The following ATP2B2 variants were observed in gnomAD, a reference collection of about 807,000 sequenced individuals.
ATP2B2 encodes the protein ATPase plasma membrane Ca2+ transporting 2, also known as plasma membrane calcium-transporting ATPase 2.
A neutral mutation model predicts 120.0 loss-of-function variants in ATP2B2; 15 were observed. The ratio of observed to expected loss-of-function variants is 0.12; its 90% confidence interval spans 0.08 to 0.19. The LOEUF (loss-of-function observed/expected upper bound fraction) is 0.19, where lower values mean the gene tolerates loss of function less well. Ranked by LOEUF, ATP2B2 falls within the 10% of genes least tolerant of loss-of-function variation. The pLI, the probability that ATP2B2 is intolerant of heterozygous loss-of-function variation, is 1.00. For missense variants in ATP2B2, 1,045 were observed against 1,719.8 expected (o/e 0.61, Z 6.94); for synonymous variants, 694 against 700.3 (o/e 0.99, Z 0.14).
At position 10,340,719 on chromosome 3, in the gene ATP2B2, AGT is replaced by A; in HGVS notation, c.2918-17_2918-16del. ...CATCTTCTCGCCTGCCAAGTGAGAG[AGT>A]GGGGCTGGGCTGAAGGCAGTGGTGG... is the stretch of plus-strand genomic sequence containing the variant. On this transcript the variant is annotated splice_polypyrimidine_tract_variant and intron_variant, in intron 19 of 22. Transcript: ENST00000360273. The surrounding 1 kb of genome is among the most constrained non-coding windows in gnomAD (Gnocchi z 5.0). 1 of 1,613,008 alleles carries A rather than the reference AGT, an allele frequency of 6.2e-7. No individual in the cohort carries two copies. The highest frequency in any genetic ancestry group is 8.5e-7 in the Non-Finnish European group (1 of 1,179,478).
chr3:10,695,990 C>A (rs897411114), intron 1 of ATP2B2, among the ~76,000 whole-genome samples: 1 of 152,148 alleles, frequency 6.6e-6, no homozygotes, highest in Non-Finnish European at 1.5e-5. Context: ...CACCTCAATC[C>A]CAGCCCCCAG....
At chr3:10,357,011 G>A (rs1333026401) in intron 14 of ATP2B2, among the ~76,000 whole-genome samples, 1 of 151,662 alleles carries the variant, frequency 6.6e-6, no homozygotes, top group Non-Finnish European at 1.5e-5. Flanking sequence ...CACTAGGCAT[G>A]GTGTGGAAGA....
intron 3 of ATP2B2, among the ~76,000 whole-genome samples, chr3:10,510,747 T>A (rs552349610): frequency 1.3e-5 from 2 of 152,336 alleles, no homozygotes; most frequent in African/African-American, 4.8e-5. Flanking sequence ...CAGGAGCTAC[T>A]CTCAGAGGAC....
chr3:10,448,055 ACTGCCAGGCAAGCCCTGCAGGAAATG>A (rs2063900543), intron 2 of ATP2B2, among the ~76,000 whole-genome samples: 13 of 152,204 alleles, frequency 8.5e-5, no homozygotes. Context: ...TGACCAGTGG[ACTGCCAGGCAAGCCCTGCAGGAAATG>A]CTGCCAGGGC....
At chr3:10,666,394 C>G (rs2070938425) in intron 1 of ATP2B2, among the ~76,000 whole-genome samples, 1 of 152,202 alleles carries the variant, frequency 6.6e-6, no homozygotes, top group South Asian at 2.1e-4. Flanking sequence ...TCCTTTCTGT[C>G]TCTCTCTACA....
chr3:10,596,636 A>G (rs2068770215), intron 2 of ATP2B2, among the ~76,000 whole-genome samples: 1 of 152,258 alleles, frequency 6.6e-6, no homozygotes, highest in Non-Finnish European at 1.5e-5. Flanking sequence ...AAAGAGGAAA[A>G]CAGAAAGTCC....
At chr3:10,644,920 GTATCA>G (rs1311560297) in intron 1 of ATP2B2, among the ~76,000 whole-genome samples, 1 of 152,178 alleles carries the variant, frequency 6.6e-6, no homozygotes, top group Non-Finnish European at 1.5e-5. Context: ...CAACAAAAAA[GTATCA>G]TATCATATCA....
chr3:10,561,131 T>C (rs1023791092), intron 2 of ATP2B2, among the ~76,000 whole-genome samples: 2 of 152,242 alleles, frequency 1.3e-5, no homozygotes, highest in African/African-American at 4.8e-5. Flanking sequence ...ATTGTGTAGT[T>C]ATCTGTGTGA....
chr3:10,683,175 A>G (rs778093590), intron 1 of ATP2B2, among the ~76,000 whole-genome samples: 2 of 112,348 alleles, frequency 1.8e-5, no homozygotes, highest in South Asian at 2.8e-4. Flanking sequence ...TTTTTTTTTT[A>G]TTTTACTGAT....
At chr3:10,578,022 T>C (rs2068294099) in intron 2 of ATP2B2, among the ~76,000 whole-genome samples, 1 of 152,190 alleles carries the variant, frequency 6.6e-6, no homozygotes, top group Non-Finnish European at 1.5e-5. Flanking sequence ...AAGTCTCTAC[T>C]CTGTCTTCAG....
At chr3:10,620,905 C>A (rs78690354) in intron 1 of ATP2B2, among the ~76,000 whole-genome samples, 2 of 152,098 alleles carry the variant, frequency 1.3e-5, no homozygotes, top group Non-Finnish European at 2.9e-5. Context: ...GGCAGGTATC[C>A]GGCACAGTAG....
intron 1 of ATP2B2, among the ~76,000 whole-genome samples, chr3:10,628,114 G>A (rs1040273307): frequency 1.1e-4 from 16 of 152,204 alleles, no homozygotes; most frequent in East Asian, 1.9e-4. Flanking sequence ...AGCAGGGGGC[G>A]GGGACCTGCA....
chr3:10,600,735 T>C (rs2068886736), intron 2 of ATP2B2, among the ~76,000 whole-genome samples: 1 of 152,206 alleles, frequency 6.6e-6, no homozygotes, highest in Admixed American at 6.5e-5. Context: ...GTTGAGAGCC[T>C]GCCTGCAACT....
At chr3:10,452,772 AG>A (rs2064108622) in intron 1 of ATP2B2, among the ~76,000 whole-genome samples, 1 of 152,176 alleles carries the variant, frequency 6.6e-6, no homozygotes, top group Non-Finnish European at 1.5e-5. Flanking sequence ...TTGCTTACTC[AG>A]GGAAAAGAAT....
At chr3:10,643,523 G>T (rs993061217) in intron 1 of ATP2B2, among the ~76,000 whole-genome samples, 25 of 152,192 alleles carry the variant, frequency 1.6e-4, no homozygotes, top group African/African-American at 5.8e-4. Flanking sequence ...TGTCCGGATG[G>T]TCAAAATTCC....
intron 2 of ATP2B2, among the ~76,000 whole-genome samples, chr3:10,421,273 C>T (rs1021017213): frequency 2.0e-5 from 3 of 152,206 alleles, no homozygotes; most frequent in Non-Finnish European, 4.4e-5. Flanking sequence ...CCAGGTCACA[C>T]AGTGGGGTGG....
intron 2 of ATP2B2, among the ~76,000 whole-genome samples, chr3:10,606,151 A>C (rs1297506228): frequency 6.6e-6 from 1 of 152,058 alleles, no homozygotes; most frequent in African/African-American, 2.4e-5. Context: ...AAACAACCTA[A>C]GGACTCGGGT....
At chr3:10,577,509 C>A (rs61670760) in intron 2 of ATP2B2, among the ~76,000 whole-genome samples, 7 of 152,334 alleles carry the variant, frequency 4.6e-5, no homozygotes, top group African/African-American at 1.7e-4. Context: ...CAGAAACCAT[C>A]GGCTGGGCCA....
chr3:10,545,226 A>G (rs2067519540), intron 2 of ATP2B2, among the ~76,000 whole-genome samples: 1 of 152,150 alleles, frequency 6.6e-6, no homozygotes, highest in Non-Finnish European at 1.5e-5. Flanking sequence ...GCATACACAC[A>G]CATGAAAGAA....
Sources: allele counts gnomAD v4.1 joint callset (sites outside exome capture counted in the v4.1 genomes callset), GRCh38; gene constraint gnomAD v4.1.1; non-coding constraint Gnocchi (gnomAD v3.1); transcripts MANE v1.5; gene names NCBI Gene and HGNC (gene_info 2026-07-23, HGNC 2026-07-21).